Variants in SLC6A4 observed in about 807,000 individuals in gnomAD.
SLC6A4 encodes the protein solute carrier family 6 member 4, also known as sodium-dependent serotonin transporter.
SLC6A4 carries 22 observed loss-of-function variants against 73.4 expected under a neutral mutation model. The ratio of observed to expected loss-of-function variants is 0.30; its 90% confidence interval spans 0.21 to 0.43. The LOEUF (loss-of-function observed/expected upper bound fraction) is 0.43, where lower values mean the gene tolerates loss of function less well. SLC6A4 is among the 20% of genes least tolerant of loss of function. SLC6A4 has a pLI of 1.00. For missense variants in SLC6A4, 593 were observed against 808.5 expected, an observed-to-expected ratio of 0.73 and a Z score of 3.23; for synonymous variants, 270 against 315.5, an observed-to-expected ratio of 0.86 and a Z score of 1.53.
At chr17:30,199,103 C>T (rs1022048650) in intron 14 of SLC6A4, among the ~76,000 whole-genome samples, 3 of 152,144 alleles carry the variant, frequency 2.0e-5, no homozygotes, top group African/African-American at 2.4e-5. Context: ...GTAAAAGATG[C>T]GATTATTGAA....
intron 1 of SLC6A4, among the ~76,000 whole-genome samples, chr17:30,229,531 GA>G (rs1255764011): frequency 6.6e-6 from 1 of 152,048 alleles, no homozygotes; most frequent in Non-Finnish European, 1.5e-5. Context: ...AGATTCCACG[GA>G]GGTGTCTTTT....
chr17:30,231,180 T>A (rs1028147563), intron 1 of SLC6A4, among the ~76,000 whole-genome samples: 2 of 152,162 alleles, frequency 1.3e-5, no homozygotes, highest in East Asian at 3.9e-4. Flanking sequence ...TACAAGAAGG[T>A]CCTTGTTTGT....
chr17:30,228,219 G>C (rs563815266), intron 1 of SLC6A4, among the ~76,000 whole-genome samples: 2 of 152,274 alleles, frequency 1.3e-5, no homozygotes, highest in Admixed American at 1.3e-4. Flanking sequence ...ACTTTGAGTA[G>C]GTCACTTAAC....
intron 14 of SLC6A4, among the ~76,000 whole-genome samples, chr17:30,198,882 G>A (rs1375500518): frequency 4.6e-5 from 7 of 152,186 alleles, no homozygotes; most frequent in Non-Finnish European, 7.4e-5. Context: ...AGACTTCTGC[G>A]GCCACAAAGG....
intron 7 of SLC6A4, 52 bp from the exon 8 acceptor site, chr17:30,215,766 C>A: frequency 6.6e-7 from 1 of 1,518,340 alleles, no homozygotes; most frequent in Non-Finnish European, 9.1e-7. Flanking sequence ...CACAGGCTTA[C>A]CCTGGCACCA....
intron 13 of SLC6A4, among the ~76,000 whole-genome samples, 200 bp downstream of exon 13, chr17:30,207,532 T>C (rs1906245983): frequency 6.6e-6 from 1 of 151,988 alleles, no homozygotes; most frequent in African/African-American, 2.4e-5. Context: ...GGATTACAGG[T>C]GCCCATCACC....
chr17:30,218,808 G>A lies in SLC6A4; in HGVS notation c.467C>T (p.Pro156Leu), dbSNP rs201940331. ...AGCCCTTCAGTTACCTTTGAAAATCGGGCAGATTTTCCTCCATATTGAAAT... is the reference window on the plus strand; with the variant it reads ...AGCCCTTCAGTTACCTTTGAAAATCAGGCAGATTTTCCTCCATATTGAAAT... Reference protein sequence around the residue: ...GCISIWRKICPIFKGIGYAIC... With the variant: ...GCISIWRKICLIFKGIGYAIC... Residue 156 changes from proline to leucine, a missense_variant, in exon 4 of 15, where the codon CCG becomes CTG. Physicochemically the swap from Pro to Leu is moderately conservative, Grantham distance 98. Transcript: ENST00000650711. 5.6e-6 allele frequency: 9 copies of A among 1,613,800 alleles called. No homozygotes were observed. The highest frequency in any genetic ancestry group is 7.6e-6 in the Non-Finnish European group (9 of 1,179,924).
In SLC6A4 at chr17:30,235,363, C is replaced by T. The variant is rs930180306; in HGVS notation, c.-221+250G>A. ...GCCCCTGCAACAATAGACAAAGGAG[C>T]CCCCTACGCCCGCCCACTTCGAGCA... is the stretch of plus-strand genomic sequence containing the variant. On this transcript the variant is annotated intron_variant, in intron 1 of 14. Transcript: ENST00000650711. This position sits in a 1 kb window ranked among gnomAD's most constrained non-coding sequence, Gnocchi z 4.5. 2.6e-5 allele frequency among the ~76,000 whole-genome samples: 4 copies of T among 152,298 alleles called. No individual in the cohort carries two copies. The South Asian group carries it at 8.3e-4, about 32-fold the overall frequency.
chr17:30,222,107 G>A (rs1906784976), intron 2 of SLC6A4, 26 bp from the exon 3 acceptor site: 5 of 1,487,146 alleles, frequency 3.4e-6, no homozygotes, highest in Non-Finnish European at 4.6e-6. Flanking sequence ...ACAGAGGAAG[G>A]AGAAAAAAGT....
At position 30,217,214 on chromosome 17, in the gene SLC6A4, G is replaced by A; in HGVS notation, c.789C>T (p.Phe263=). 1 of 1,614,056 alleles carries A rather than the reference G, an allele frequency of 6.2e-7. No individual in the cohort carries two copies. Among genetic ancestry groups the A allele is most frequent in the Non-Finnish European group, 8.5e-7 (1 of 1,179,912 alleles). ...TCCAGATGCTGAAGTAGATAACAGTGAAGATCAGCATGATGCAGAGGGCCA... is the reference window on the plus strand; with the variant it reads ...TCCAGATGCTGAAGTAGATAACAGTAAAGATCAGCATGATGCAGAGGGCCA... ...WQLALCIMLI[F]TVIYFSIWKG... is the part of the protein sequence containing the mutation. Residue 263 remains phenylalanine, a synonymous_variant, in exon 6 of 15, where the codon TTC becomes TTT. Coordinates refer to ENST00000650711, the MANE Select transcript of SLC6A4 (RefSeq NM_001045.6).
At chr17:30,221,366 T>C (rs1049795565) in intron 3 of SLC6A4, among the ~76,000 whole-genome samples, 2 of 152,078 alleles carry the variant, frequency 1.3e-5, no homozygotes, top group African/African-American at 4.8e-5. Flanking sequence ...ATCTGTCTTC[T>C]GGCCTCTCAA....
intron 10 of SLC6A4, 97 bp from the exon 11 acceptor site, chr17:30,210,743 A>T (rs1906361150): frequency 1.5e-6 from 2 of 1,367,342 alleles, no homozygotes; most frequent in Non-Finnish European, 2.0e-6. Context: ...TTGCTAAGTG[A>T]CTGGTCAAGC....
At chr17:30,215,428 G>A (rs1906540216) in intron 8 of SLC6A4, among the ~76,000 whole-genome samples, 183 bp downstream of exon 8, 1 of 152,218 alleles carries the variant, frequency 6.6e-6, no homozygotes, top group Admixed American at 6.5e-5. Context: ...TGAAGCCACG[G>A]CCTGGATGAG....
intron 1 of SLC6A4, among the ~76,000 whole-genome samples, chr17:30,228,355 T>G (rs1906988724): frequency 6.6e-6 from 1 of 152,212 alleles, no homozygotes; most frequent in Non-Finnish European, 1.5e-5. Context: ...GAAGCATCAA[T>G]AAATGACAGT....
At chr17:30,199,639 C>T (rs992652557) in intron 14 of SLC6A4, among the ~76,000 whole-genome samples, 4 of 152,144 alleles carry the variant, frequency 2.6e-5, no homozygotes, top group Non-Finnish European at 5.9e-5. Flanking sequence ...CAAAATTGCA[C>T]ATTTTGTGCT....
chr17:30,225,571 A>G (rs575336050), intron 1 of SLC6A4, among the ~76,000 whole-genome samples: 52 of 152,290 alleles, frequency 3.4e-4, no homozygotes, highest in African/African-American at 1.0e-3. Flanking sequence ...AACGAGGTCA[A>G]TATTACAGCT....
intron 13 of SLC6A4, among the ~76,000 whole-genome samples, chr17:30,207,372 T>A (rs564910129): frequency 6.6e-6 from 1 of 152,302 alleles, no homozygotes; most frequent in Non-Finnish European, 1.5e-5. Context: ...CTTTTCTGTA[T>A]ATGTTATTCT....
At position 30,211,433 on chromosome 17, in the gene SLC6A4, G is replaced by A. The variant is rs200861334; in HGVS notation, c.1205-9C>T. 462 of 1,561,970 alleles carry A rather than the reference G, an allele frequency of 3.0e-4. No homozygotes were observed. The highest frequency in any genetic ancestry group is 3.7e-4 in the Non-Finnish European group (417 of 1,132,548). ...GAAGAGGAGGCTGGGACCTGAGACA[G>A]AGGGGAGAGAGGAGGAGGTGGTTGA... On this transcript the variant is annotated splice_polypyrimidine_tract_variant and intron_variant, in intron 9 of 14. Coordinates refer to ENST00000650711, the MANE Select transcript of SLC6A4 (RefSeq NM_001045.6). The surrounding 1 kb of genome is among the most constrained non-coding windows in gnomAD (Gnocchi z 4.0).
chr17:30,228,241 T>C (rs1906986266), intron 1 of SLC6A4, among the ~76,000 whole-genome samples: 1 of 152,198 alleles, frequency 6.6e-6, no homozygotes, highest in Non-Finnish European at 1.5e-5. Flanking sequence ...TCTCTTAGCT[T>C]CCATTTCCTC....
Sources: gnomAD v4.1 joint callset for allele counts (sites outside exome capture counted in the v4.1 genomes callset) on GRCh38, gnomAD v4.1.1 for gene constraint, Gnocchi (gnomAD v3.1) non-coding constraint, MANE v1.5 for transcripts, NCBI Gene and HGNC (gene_info 2026-07-23, HGNC 2026-07-21) for gene names.